The following ROBO2 variants were observed in gnomAD, a reference collection of about 807,000 sequenced individuals.
ROBO2 encodes roundabout guidance receptor 2.
ROBO2 carries 53 observed loss-of-function variants against 160.8 expected under a neutral mutation model. The ratio of observed to expected loss-of-function variants is 0.33; its 90% CI spans 0.26 to 0.41. ROBO2 has a LOEUF of 0.41. Ranked by LOEUF, ROBO2 falls within the 10% of genes least tolerant of loss-of-function variation. The pLI is 1.00. For missense variants in ROBO2, 1,577 were observed against 1,722.4 expected, an observed-to-expected ratio of 0.92 and a Z score of 1.49; for synonymous variants, 664 against 611.7, an observed-to-expected ratio of 1.09 and a Z score of -1.26.
chr3:76,314,902 G>T (rs1355495499), intron 2 of ROBO2, among the ~76,000 whole-genome samples: 1 of 151,924 alleles, frequency 6.6e-6, no homozygotes, highest in Non-Finnish European at 1.5e-5. Context: ...GTTGTTCAAG[G>T]GTCAATCATA....
chr3:77,098,472 A>G (rs976925722), intron 2 of ROBO2, 132 bp downstream of exon 2: 1 of 945,016 alleles, frequency 1.1e-6, no homozygotes, highest in South Asian at 1.5e-5. Context: ...GGTCTTCTTC[A>G]GAGAAGTCTG....
intron 2 of ROBO2, chr3:77,316,925 T>G (rs1205777866): frequency 8.1e-7 from 1 of 1,231,156 alleles, no homozygotes; most frequent in Admixed American, 1.7e-5. Flanking sequence ...TGAGGGTCAG[T>G]CTGATACTTG....
chr3:76,414,652 A>T (rs2075668176), intron 2 of ROBO2, among the ~76,000 whole-genome samples: 1 of 149,154 alleles, frequency 6.7e-6, no homozygotes, highest in Admixed American at 6.7e-5. Flanking sequence ...GCATTGGGAG[A>T]TATACCTAAT....
chr3:77,614,754 CA>C (rs2094730271), intron 21 of ROBO2, among the ~76,000 whole-genome samples: 1 of 149,658 alleles, frequency 6.7e-6, no homozygotes, highest in South Asian at 2.1e-4. Context: ...ACCAACCAAC[CA>C]AACAAACAAA....
chr3:77,531,740 A>T (rs1014858850), intron 6 of ROBO2, among the ~76,000 whole-genome samples: 11 of 152,172 alleles, frequency 7.2e-5, no homozygotes, highest in African/African-American at 2.7e-4. Flanking sequence ...GGTATTATGT[A>T]TGAACCTTTT....
At chr3:76,302,203 A>T (rs893037889) in intron 2 of ROBO2, among the ~76,000 whole-genome samples, 15 of 152,146 alleles carry the variant, frequency 9.9e-5, no homozygotes, top group Admixed American at 3.9e-4. Context: ...AATAGGAATT[A>T]GTCATAGAAG....
chr3:76,069,580 A>T (rs2068376944), intron 2 of ROBO2, among the ~76,000 whole-genome samples: 1 of 151,512 alleles, frequency 6.6e-6, no homozygotes, highest in African/African-American at 2.4e-5. Flanking sequence ...GGTCTTAAAT[A>T]ACTGACTTAG....
At chr3:77,596,789 C>T (rs1453061828) in intron 19 of ROBO2, 39 bp downstream of exon 20, 4 of 1,538,008 alleles carry the variant, frequency 2.6e-6, no homozygotes, top group Non-Finnish European at 3.5e-6. Context: ...TTTGAGTTCT[C>T]TCTCTCTTTT....
intron 2 of ROBO2, among the ~76,000 whole-genome samples, chr3:76,919,102 A>G (rs139413064): frequency 2.0e-5 from 3 of 152,102 alleles, no homozygotes; most frequent in African/African-American, 7.2e-5. Flanking sequence ...TGCCTAGGTG[A>G]TGGGTTGATA....
intron 2 of ROBO2, among the ~76,000 whole-genome samples, chr3:77,238,921 T>A (rs1313057603): frequency 2.6e-5 from 4 of 152,166 alleles, no homozygotes; most frequent in African/African-American, 9.7e-5. Context: ...ATCATTCATT[T>A]CCTTGTGTCT....
chr3:76,033,226 A>G (rs1328006863), intron 2 of ROBO2, among the ~76,000 whole-genome samples: 2 of 152,168 alleles, frequency 1.3e-5, no homozygotes, highest in Non-Finnish European at 1.5e-5. Flanking sequence ...AGAGCTTTCT[A>G]TGTATTTTCT....
At chr3:76,693,440 A>G (rs1204677855) in intron 2 of ROBO2, among the ~76,000 whole-genome samples, 2 of 129,842 alleles carry the variant, frequency 1.5e-5, no homozygotes, top group Admixed American at 1.5e-4. Context: ...TACACACTCT[A>G]TATATGTGTA....
At chr3:77,307,548 G>A (rs905816906) in intron 2 of ROBO2, among the ~76,000 whole-genome samples, 4 of 152,116 alleles carry the variant, frequency 2.6e-5, no homozygotes, top group Admixed American at 1.3e-4. Flanking sequence ...TCTTCACGAA[G>A]GCCTGCCATT....
chr3:76,994,737 G>A (rs1017002810), intron 2 of ROBO2, among the ~76,000 whole-genome samples: 2 of 152,080 alleles, frequency 1.3e-5, no homozygotes, highest in African/African-American at 4.8e-5. Flanking sequence ...TATATCTTGA[G>A]TTCTCCTGGA....
chr3:77,598,600 A>G (rs1038470532), intron 19 of ROBO2, among the ~76,000 whole-genome samples: 1 of 149,740 alleles, frequency 6.7e-6, no homozygotes, highest in African/African-American at 2.5e-5. Flanking sequence ...GAGAGAATGG[A>G]AAGTAAGTTA....
intron 2 of ROBO2, among the ~76,000 whole-genome samples, chr3:76,695,749 A>C (rs1356285383): frequency 2.6e-5 from 4 of 152,144 alleles, no homozygotes; most frequent in Non-Finnish European, 4.4e-5. Context: ...TTTTATAGAC[A>C]AGGGAACAGA....
At chr3:75,966,171 A>G (rs981038759) in intron 2 of ROBO2, among the ~76,000 whole-genome samples, 2 of 151,772 alleles carry the variant, frequency 1.3e-5, no homozygotes, top group African/African-American at 4.8e-5. Context: ...TAATCCTGTT[A>G]AGATAAAGAA....
At chr3:77,619,447 A>G (rs912192267) in intron 22 of ROBO2, among the ~76,000 whole-genome samples, 1 of 152,156 alleles carries the variant, frequency 6.6e-6, no homozygotes, top group Non-Finnish European at 1.5e-5. Flanking sequence ...AAAAGAAGAA[A>G]TGCATGGGAC....
intron 2 of ROBO2, among the ~76,000 whole-genome samples, chr3:76,343,065 C>A (rs577770011): frequency 1.3e-5 from 2 of 151,748 alleles, no homozygotes; most frequent in Admixed American, 1.3e-4. Context: ...AGGTCTTTCT[C>A]GGTAAATATA....
Sources: allele counts gnomAD v4.1 joint callset (sites outside exome capture counted in the v4.1 genomes callset), GRCh38; gene constraint gnomAD v4.1.1; transcripts MANE v1.5; gene names NCBI Gene and HGNC (gene_info 2026-07-23, HGNC 2026-07-21).